OR9Q1: variants seen among roughly 807,000 people sequenced by gnomAD.
The protein encoded by OR9Q1 is olfactory receptor family 9 subfamily Q member 1, also known as olfactory receptor 9Q1.
For missense variants in OR9Q1, 374 were observed against 378.8 expected, an observed-to-expected ratio of 0.99 and a Z score of 0.11; for synonymous variants, 153 against 148.6, an observed-to-expected ratio of 1.03 and a Z score of -0.22.
At chr11:58,129,574 T>C (rs559311388) in intron 2 of OR9Q1, among the ~76,000 whole-genome samples, 2 of 152,316 alleles carry the variant, frequency 1.3e-5, no homozygotes, top group South Asian at 4.1e-4. Context: ...TCTATCTGTT[T>C]CTTGAGACCC....
chr11:58,157,742 C>A (rs963111706), intron 2 of OR9Q1, among the ~76,000 whole-genome samples: 5 of 151,928 alleles, frequency 3.3e-5, no homozygotes, highest in African/African-American at 1.2e-4. Flanking sequence ...CCTCTACCAG[C>A]AGGTCCTTTC....
In OR9Q1 at chr11:58,150,335, C is replaced by T. The variant is rs183087203; in HGVS notation, c.-14-29096C>T. 2.7e-4 allele frequency among the ~76,000 whole-genome samples: 41 copies of T among 152,286 alleles called. 1 individual carries two copies. The highest frequency in any genetic ancestry group is 2.4e-3 in the Admixed American group (36 of 15,290). On this transcript the variant is annotated intron_variant, in intron 2 of 2. Transcript: ENST00000335397. ...TTGGGCCTGGTGTGGTAGCTCACTCCTATAATCCCAGTGTTGGGGGAGAAC... is the reference window on the plus strand; with the variant it reads ...TTGGGCCTGGTGTGGTAGCTCACTCTTATAATCCCAGTGTTGGGGGAGAAC...
chr11:58,175,812 CTT>C (rs983583640), intron 2 of OR9Q1, among the ~76,000 whole-genome samples: 2 of 145,022 alleles, frequency 1.4e-5, no homozygotes, highest in African/African-American at 2.5e-5. Context: ...CCTTATCTTC[CTT>C]TTTTTTTTTG....
chr11:58,119,481 G>A (rs1194100560), intron 2 of OR9Q1: 2 of 1,280,410 alleles, frequency 1.6e-6, no homozygotes, highest in African/African-American at 3.0e-5. Flanking sequence ...GGATGATAAT[G>A]AAATAAAAAG....
intron 2 of OR9Q1, among the ~76,000 whole-genome samples, chr11:58,110,705 T>C (rs189917701): frequency 3.9e-5 from 6 of 152,332 alleles, no homozygotes; most frequent in East Asian, 1.9e-4. Flanking sequence ...CAGTACGCCT[T>C]CTACTTTAAT....
chr11:58,025,238 A>G (rs1022985707), intron 1 of OR9Q1, among the ~76,000 whole-genome samples: 1 of 152,066 alleles, frequency 6.6e-6, no homozygotes, highest in Non-Finnish European at 1.5e-5. Flanking sequence ...CAGTGGCGCG[A>G]TCTCAGCTCA....
chr11:58,025,902 C>T (rs1028206354), intron 1 of OR9Q1, among the ~76,000 whole-genome samples: 1 of 152,164 alleles, frequency 6.6e-6, no homozygotes, highest in African/African-American at 2.4e-5. Context: ...GCCTCCCCCT[C>T]CCTCTACTGC....
intron 1 of OR9Q1, among the ~76,000 whole-genome samples, chr11:58,037,019 G>A (rs1565056069): frequency 6.6e-6 from 1 of 152,164 alleles, no homozygotes; most frequent in Non-Finnish European, 1.5e-5. Context: ...ATGTGTTACA[G>A]AGAAATTTTT....
At chr11:58,155,386 C>T (rs1300835709) in intron 2 of OR9Q1, among the ~76,000 whole-genome samples, 1 of 152,160 alleles carries the variant, frequency 6.6e-6, no homozygotes, top group Non-Finnish European at 1.5e-5. Context: ...CACCGTAGCG[C>T]AGCCAAGTTC....
chr11:58,167,739 C>T (rs1456103999), intron 2 of OR9Q1, among the ~76,000 whole-genome samples: 1 of 152,136 alleles, frequency 6.6e-6, no homozygotes, highest in Non-Finnish European at 1.5e-5. Context: ...GTGTGCTTTC[C>T]TCTATGTGGT....
intron 2 of OR9Q1, among the ~76,000 whole-genome samples, chr11:58,122,690 CTCT>C (rs750179700): frequency 5.3e-5 from 8 of 152,090 alleles, no homozygotes; most frequent in Non-Finnish European, 1.0e-4. Context: ...CAGGGCAAGG[CTCT>C]TCTTCATTTT....
At chr11:58,048,608 G>T (rs572934183) in intron 1 of OR9Q1, among the ~76,000 whole-genome samples, 1 of 150,522 alleles carries the variant, frequency 6.6e-6, no homozygotes, top group African/African-American at 2.4e-5. Flanking sequence ...GGTGGAGGTT[G>T]CAGTCAGCTG....
At chr11:58,096,607 G>T (rs1853734464) in intron 2 of OR9Q1, among the ~76,000 whole-genome samples, 1 of 150,696 alleles carries the variant, frequency 6.6e-6, no homozygotes, top group South Asian at 2.1e-4. Flanking sequence ...CTACCTCCTG[G>T]GCTTAAGTGA....
intron 1 of OR9Q1, among the ~76,000 whole-genome samples, chr11:58,024,342 G>C (rs1235759369): frequency 3.4e-5 from 5 of 148,690 alleles, no homozygotes; most frequent in Non-Finnish European, 7.5e-5. Flanking sequence ...GCTCACCTCG[G>C]TTTGTTGGCT....
intron 2 of OR9Q1, among the ~76,000 whole-genome samples, chr11:58,084,039 C>T (rs1266015999): frequency 4.6e-5 from 7 of 151,802 alleles, no homozygotes; most frequent in South Asian, 4.1e-4. Flanking sequence ...ATCTGTAGAT[C>T]GCTTTGGGCT....
At chr11:58,066,432 C>T (rs1365232582) in intron 2 of OR9Q1, among the ~76,000 whole-genome samples, 1 of 152,048 alleles carries the variant, frequency 6.6e-6, no homozygotes, top group Admixed American at 6.5e-5. Flanking sequence ...GCGTCTGTGC[C>T]TGCTTCGTTT....
chr11:58,035,843 CTTTCCAGA>C (rs11278282), intron 1 of OR9Q1, among the ~76,000 whole-genome samples: 73,769 of 151,300 alleles, frequency 0.49, 18,220 homozygotes, highest in Middle Eastern at 0.59. Context: ...AGGTGAGAAC[CTTTCCAGA>C]TCAAATATAA....
intron 2 of OR9Q1, among the ~76,000 whole-genome samples, chr11:58,058,369 C>T (rs1166618379): frequency 6.6e-6 from 1 of 152,176 alleles, no homozygotes; most frequent in East Asian, 1.9e-4. Context: ...GCCCCTAATC[C>T]AGACCACCTG....
intron 1 of OR9Q1, among the ~76,000 whole-genome samples, chr11:58,034,108 G>A (rs1345741601): frequency 8.5e-6 from 1 of 117,102 alleles, no homozygotes; most frequent in Non-Finnish European, 1.7e-5. Context: ...TTTAGACAGA[G>A]TCTTGCTCTG....
Sources: allele counts gnomAD v4.1 joint callset (sites outside exome capture counted in the v4.1 genomes callset), GRCh38; gene constraint gnomAD v4.1.1; transcripts MANE v1.5; gene names NCBI Gene and HGNC (gene_info 2026-07-23, HGNC 2026-07-21).